BCAS1: variants seen among roughly 807,000 people sequenced by gnomAD.
The protein encoded by BCAS1 is breast carcinoma-amplified sequence 1.
BCAS1 carries 46 observed loss-of-function variants against 65.4 expected under a neutral mutation model. The ratio of observed to expected loss-of-function variants is 0.70; its 90% CI spans 0.55 to 0.90. The LOEUF (loss-of-function observed/expected upper bound fraction) is 0.90. BCAS1 is among the 40% of genes least tolerant of loss of function. BCAS1 has a pLI of 0.00. For missense variants in BCAS1, 793 were observed against 771.2 expected (o/e 1.03, Z -0.33); for synonymous variants, 298 against 293.5 (o/e 1.02, Z -0.16).
chr20:53,985,245 C>T (rs747893387), intron 8 of BCAS1, 42 bp downstream of exon 8: 2 of 1,587,774 alleles, frequency 1.3e-6, no homozygotes, highest in Admixed American at 1.7e-5. Flanking sequence ...CTGGAGTCAT[C>T]CCCGCCCGGA....
rs1015898385 is a variant in BCAS1 at position 54,037,065 on chromosome 20, T to A, written c.143-8093A>T. On this transcript the variant is annotated intron_variant, in intron 3 of 12. Coordinates refer to ENST00000688948, the MANE Select transcript of BCAS1 (RefSeq NM_001366298.2). ...AGGAAGAATTATCTTTTTTTTTTCATGTGCCAAAGCTAAAACTTTCACTTG... is the reference window on the plus strand; with the variant it reads ...AGGAAGAATTATCTTTTTTTTTTCAAGTGCCAAAGCTAAAACTTTCACTTG... 1.3e-5 allele frequency among the ~76,000 whole-genome samples: 2 copies of A among 150,500 alleles called. 1 individual carries two copies. Among genetic ancestry groups the A allele is most frequent in the Non-Finnish European group, 3.0e-5 (2 of 67,382 alleles).
intron 4 of BCAS1, among the ~76,000 whole-genome samples, chr20:54,022,883 A>C (rs142787843): frequency 1.3e-5 from 2 of 152,336 alleles, no homozygotes; most frequent in African/African-American, 4.8e-5. Context: ...CACCTCTGCC[A>C]CTGCAAACAT....
rs2072127 is a variant in BCAS1 at position 54,029,002 on chromosome 20, T to G, written c.143-30A>C. 18,975 of 1,568,874 alleles carry G rather than the reference T, an allele frequency of 0.012. 1,642 individuals carry two copies. The East Asian group carries it at 0.24, about 20-fold the overall frequency. ...AAACACAAACATAAACAGTGGTTAT[T>G]CAGCCAAGCCGGGAAATTCAGGCAC... On this transcript the variant is annotated intron_variant, in intron 3 of 12. Transcript: ENST00000688948.
intron 4 of BCAS1, among the ~76,000 whole-genome samples, chr20:53,999,447 T>G (rs779827736): frequency 6.6e-6 from 1 of 152,198 alleles, no homozygotes; most frequent in Non-Finnish European, 1.5e-5. Flanking sequence ...GCGTAAGCAT[T>G]AATTTGTTTT....
chr20:53,985,156 G>A (rs2090579939), intron 8 of BCAS1, 131 bp downstream of exon 8: 3 of 856,698 alleles, frequency 3.5e-6, no homozygotes, highest in Non-Finnish European at 5.5e-6. Context: ...TACTCAATGG[G>A]AAGCCGAGTC....
At position 53,944,315 on chromosome 20, in the gene BCAS1, C is replaced by CT. The variant is rs34484335; in HGVS notation, c.*606dup. ...TCTTCTATAACTTACTTGCCACTGC[C>CT]TTTTTTTTTTTTTGATAGAATCTTG... On this transcript the variant is annotated 3_prime_UTR_variant, in exon 13 of 13. Coordinates refer to ENST00000688948, the MANE Select transcript of BCAS1 (RefSeq NM_001366298.2). 1.2e-3 allele frequency: 178 copies of CT among 148,662 alleles called. 1 individual carries two copies. The highest frequency in any genetic ancestry group is 2.4e-3 in the African/African-American group (98 of 40,346). The allele number at this position is 148,662 out of a possible 1,614,324, so 9.2% of individuals were successfully genotyped here.
chr20:54,063,328 A>C (rs557296161), intron 1 of BCAS1, among the ~76,000 whole-genome samples: 25 of 152,340 alleles, frequency 1.6e-4, no homozygotes, highest in Non-Finnish European at 2.6e-4. Flanking sequence ...GAGTCAAACC[A>C]GTGAATATAA....
intron 3 of BCAS1, among the ~76,000 whole-genome samples, chr20:54,042,910 G>A (rs1442916832): frequency 6.6e-6 from 1 of 152,266 alleles, no homozygotes; most frequent in African/African-American, 2.4e-5. Flanking sequence ...GAATGGAGGG[G>A]CTGATAGGCC....
intron 10 of BCAS1, among the ~76,000 whole-genome samples, chr20:53,962,930 A>C (rs1055047776): frequency 2.6e-5 from 4 of 152,012 alleles, no homozygotes; most frequent in Admixed American, 2.6e-4. Flanking sequence ...AGCTCACTGC[A>C]AGCTCTGCCT....
chr20:54,029,170 T>C, intron 3 of BCAS1, 198 bp from the exon 4 acceptor site: 3 of 985,284 alleles, frequency 3.0e-6, no homozygotes, highest in Non-Finnish European at 3.6e-6. Context: ...GAAGGCAAGG[T>C]TGGTGAGGAG....
chr20:53,995,807 A>G (rs2090891252), intron 5 of BCAS1, 85 bp downstream of exon 5: 1 of 1,389,678 alleles, frequency 7.2e-7, no homozygotes, highest in East Asian at 2.3e-5. Flanking sequence ...ATTTAGTACA[A>G]TAACATTCAA....
intron 3 of BCAS1, among the ~76,000 whole-genome samples, chr20:54,036,757 T>C (rs2091906565): frequency 2.0e-5 from 3 of 151,628 alleles, no homozygotes; most frequent in South Asian, 4.2e-4. Context: ...TTAATATAAT[T>C]ACCATTTTGT....
intron 10 of BCAS1, among the ~76,000 whole-genome samples, chr20:53,961,294 G>T (rs75951879): frequency 4.6e-4 from 70 of 152,286 alleles, no homozygotes; most frequent in Admixed American, 2.0e-3. Context: ...AAAAGAAAAA[G>T]AATTGGGCTG....
chr20:54,007,305 GTGATGTCAGC>G lies in BCAS1; in HGVS notation c.724-11265_724-11256del, dbSNP rs111526486. Among the ~76,000 whole-genome samples, 165 of 152,342 alleles carry G rather than the reference GTGATGTCAGC, an allele frequency of 1.1e-3. 1 individual carries two copies. Among genetic ancestry groups the G allele is most frequent in the African/African-American group, 3.7e-3 (154 of 41,588 alleles). On this transcript the variant is annotated intron_variant, in intron 4 of 12. Coordinates refer to ENST00000688948, the MANE Select transcript of BCAS1 (RefSeq NM_001366298.2). The stretch of plus-strand genomic sequence containing the variant: ...CTTTCTCAAAACAAAATGGAATACA[GTGATGTCAGC>G]TGAAGGGACTAGGAATTACTAAAAT...
chr20:54,021,020 T>A (rs947756702), intron 4 of BCAS1, among the ~76,000 whole-genome samples: 1 of 152,236 alleles, frequency 6.6e-6, no homozygotes, highest in East Asian at 1.9e-4. Flanking sequence ...AGCTTCTACT[T>A]GCTCCATTCA....
chr20:54,029,068 T>G, intron 3 of BCAS1, 96 bp from the exon 4 acceptor site: 1 of 1,469,640 alleles, frequency 6.8e-7, no homozygotes, highest in Non-Finnish European at 9.0e-7. Flanking sequence ...AAAGCCATAC[T>G]GCATACTGGA....
intron 12 of BCAS1, among the ~76,000 whole-genome samples, chr20:53,950,147 CGTACAGCCT>C (rs72265989): frequency 0.34 from 42,244 of 122,826 alleles, 6,286 homozygotes; most frequent in East Asian, 0.57. Flanking sequence ...TTGCACAGCC[CGTACAGCCT>C]GCATGAGGAG....
intron 11 of BCAS1, among the ~76,000 whole-genome samples, chr20:53,954,288 A>G (rs2089626544): frequency 7.5e-6 from 1 of 134,176 alleles, no homozygotes; most frequent in African/African-American, 2.8e-5. Flanking sequence ...ATCACAGCTG[A>G]GAAATGGAGA....
intron 11 of BCAS1, among the ~76,000 whole-genome samples, chr20:53,954,445 G>A (rs2089640232): frequency 2.6e-5 from 4 of 152,152 alleles, no homozygotes; most frequent in African/African-American, 2.4e-5. Context: ...AACCACATGC[G>A]AGTGTTTTCC....
Sources: gnomAD v4.1 joint callset for allele counts (sites outside exome capture counted in the v4.1 genomes callset) on GRCh38, gnomAD v4.1.1 for gene constraint, MANE v1.5 for transcripts, NCBI Gene and HGNC (gene_info 2026-07-23, HGNC 2026-07-21) for gene names.